The following CHN2 variants were observed in gnomAD, a reference collection of about 807,000 sequenced individuals.
CHN2 encodes chimerin 2, also known as beta-chimaerin.
CHN2 carries 35 observed loss-of-function variants against 56.3 expected under a neutral mutation model. The ratio of observed to expected loss-of-function variants is 0.62; its 90% CI spans 0.47 to 0.82. The LOEUF (loss-of-function observed/expected upper bound fraction) is 0.82. CHN2 is among the 40% of genes least tolerant of loss of function. The pLI is 0.00. For missense variants in CHN2, 491 were observed against 580.5 expected, an observed-to-expected ratio of 0.85 and a Z score of 1.58; for synonymous variants, 210 against 212.8, an observed-to-expected ratio of 0.99 and a Z score of 0.12.
At chr7:29,500,889 T>C (rs1789893810) in intron 9 of CHN2, among the ~76,000 whole-genome samples, 1 of 152,238 alleles carries the variant, frequency 6.6e-6, no homozygotes, top group Admixed American at 6.5e-5. Flanking sequence ...CTTTATGTTG[T>C]ACATGAGTCA....
chr7:29,335,027 T>C (rs10226610), intron 1 of CHN2, among the ~76,000 whole-genome samples: 40,345 of 152,162 alleles, frequency 0.27, 6,197 homozygotes, highest in East Asian at 0.35. Context: ...TTTGAATAGG[T>C]TGAATATAAT....
At chr7:29,489,517 C>T (rs556996149) in intron 7 of CHN2, among the ~76,000 whole-genome samples, 8 of 152,290 alleles carry the variant, frequency 5.3e-5, no homozygotes, top group African/African-American at 1.9e-4. Context: ...AGCATGCCCT[C>T]AGCATTTACA....
At chr7:29,370,598 C>T (rs1329667412) in intron 3 of CHN2, among the ~76,000 whole-genome samples, 1 of 152,106 alleles carries the variant, frequency 6.6e-6, no homozygotes, top group Admixed American at 6.6e-5. Flanking sequence ...CTCCAGTATA[C>T]TCAATCTCTG....
chr7:29,157,435 T>C (rs1291393902), intron 2 of CHN2, among the ~76,000 whole-genome samples: 3 of 120,630 alleles, frequency 2.5e-5, no homozygotes, highest in East Asian at 2.6e-4. Context: ...AATGGCGTTA[T>C]CTCAGTCACT....
intron 6 of CHN2, among the ~76,000 whole-genome samples, chr7:29,435,277 G>C (rs184691847): frequency 1.4e-4 from 22 of 152,334 alleles, no homozygotes; most frequent in Admixed American, 1.3e-3. Flanking sequence ...CTCTGGACCA[G>C]AGACCAACAG....
intron 1 of CHN2, among the ~76,000 whole-genome samples, chr7:29,293,368 C>G (rs926064784): frequency 2.6e-5 from 3 of 114,592 alleles, no homozygotes; most frequent in South Asian, 4.6e-4. Flanking sequence ...TAATGCCCCC[C>G]CCCCCCCCCA....
At chr7:29,287,672 C>A (rs1388651007) in intron 1 of CHN2, among the ~76,000 whole-genome samples, 1 of 152,122 alleles carries the variant, frequency 6.6e-6, no homozygotes, top group Non-Finnish European at 1.5e-5. Context: ...AATAAATTTT[C>A]TTTTGCTGAT....
chr7:29,180,454 G>T (rs1369560921), intron 2 of CHN2, among the ~76,000 whole-genome samples: 1 of 152,044 alleles, frequency 6.6e-6, no homozygotes, highest in East Asian at 1.9e-4. Flanking sequence ...TTGAACCTAG[G>T]AGGCGGAGGT....
intron 12 of CHN2, among the ~76,000 whole-genome samples, chr7:29,511,698 C>A (rs1278934124): frequency 1.2e-5 from 1 of 86,956 alleles, no homozygotes; most frequent in African/African-American, 3.6e-5. Context: ...TTATGCACAA[C>A]CTAAACACAT....
chr7:29,267,972 A>T (rs1790279269), intron 1 of CHN2, among the ~76,000 whole-genome samples: 1 of 152,170 alleles, frequency 6.6e-6, no homozygotes, highest in East Asian at 1.9e-4. Flanking sequence ...CCTGTTATTG[A>T]TCTGTGTTAT....
chr7:29,300,043 G>A (rs1213861608), intron 1 of CHN2, among the ~76,000 whole-genome samples: 1 of 152,214 alleles, frequency 6.6e-6, no homozygotes, highest in African/African-American at 2.4e-5. Flanking sequence ...ATGGGAGCAC[G>A]GACTGGAGCC....
chr7:29,419,610 A>T (rs1804130151), intron 6 of CHN2, among the ~76,000 whole-genome samples: 1 of 152,168 alleles, frequency 6.6e-6, no homozygotes. Flanking sequence ...TCCATAATGT[A>T]TTTTTAAAAA....
intron 1 of CHN2, among the ~76,000 whole-genome samples, chr7:29,323,701 A>T (rs1470610542): frequency 6.6e-6 from 1 of 151,876 alleles, no homozygotes; most frequent in Admixed American, 6.6e-5. Flanking sequence ...CAGAGATTAA[A>T]TTATAGGGGG....
chr7:29,375,475 C>T (rs1057171316), intron 3 of CHN2, among the ~76,000 whole-genome samples: 2 of 152,134 alleles, frequency 1.3e-5, no homozygotes, highest in Non-Finnish European at 1.5e-5. Flanking sequence ...GGATTACGGG[C>T]GTGAGCCACC....
intron 2 of CHN2, among the ~76,000 whole-genome samples, chr7:29,179,169 A>G (rs868635715): frequency 1.3e-5 from 2 of 152,176 alleles, no homozygotes; most frequent in African/African-American, 4.8e-5. Context: ...GCTTGGGCAT[A>G]AGGCTTATTT....
chr7:29,293,083 G>A (rs983767582), intron 1 of CHN2: 3 of 449,172 alleles, frequency 6.7e-6, no homozygotes, highest in South Asian at 4.7e-5. Context: ...AGACAGAGCT[G>A]TCAGGAGAGA....
At chr7:29,435,450 T>C (rs1468811916) in intron 6 of CHN2, among the ~76,000 whole-genome samples, 2 of 152,148 alleles carry the variant, frequency 1.3e-5, no homozygotes, top group Non-Finnish European at 2.9e-5. Context: ...CACCATAGAG[T>C]GTACTTACAC....
At chr7:29,431,153 T>TA (rs1305661943) in intron 6 of CHN2, among the ~76,000 whole-genome samples, 4 of 152,148 alleles carry the variant, frequency 2.6e-5, no homozygotes, top group Admixed American at 2.6e-4. Flanking sequence ...TTAAAACGCT[T>TA]ACATTTAGGG....
chr7:29,322,896 C>T (rs1795473812), intron 1 of CHN2, among the ~76,000 whole-genome samples: 1 of 152,156 alleles, frequency 6.6e-6, no homozygotes, highest in Non-Finnish European at 1.5e-5. Context: ...GGTGCGGTGG[C>T]TCATGCCTAT....
Sources: gnomAD v4.1 joint callset for allele counts (sites outside exome capture counted in the v4.1 genomes callset) on GRCh38, gnomAD v4.1.1 for gene constraint, MANE v1.5 for transcripts, NCBI Gene and HGNC (gene_info 2026-07-23, HGNC 2026-07-21) for gene names.